The following UBE2L6 variants were observed in gnomAD, a reference collection of about 807,000 sequenced individuals.
UBE2L6 encodes ubiquitin conjugating enzyme E2 L6, also known as ubiquitin/ISG15-conjugating enzyme E2 L6.
A neutral mutation model predicts 13.6 loss-of-function variants in UBE2L6; 11 were observed. The observed-to-expected ratio is 0.81, with a 90% CI of 0.51 to 1.34. UBE2L6 has a LOEUF of 1.34. UBE2L6 is among the 40% of genes most tolerant of loss of function. The pLI is 0.00. For synonymous variants in UBE2L6, 74 were observed against 83.2 expected (o/e 0.89, Z 0.60); for missense variants, 197 against 199.5 (o/e 0.99, Z 0.07).
chr11:57,556,771 C>T (rs1376619916), intron 2 of UBE2L6, among the ~76,000 whole-genome samples: 2 of 152,086 alleles, frequency 1.3e-5, no homozygotes, highest in South Asian at 4.1e-4. Flanking sequence ...GTTTTGTCTC[C>T]TCAAATCTCA....
chr11:57,558,123 GGC>G (rs1176714310), intron 2 of UBE2L6, among the ~76,000 whole-genome samples: 1 of 152,164 alleles, frequency 6.6e-6, no homozygotes, highest in East Asian at 1.9e-4. Context: ...TTGTCATCCA[GGC>G]TGGAGTGCGA....
At chr11:57,558,737 C>A (rs775725356) in intron 2 of UBE2L6, among the ~76,000 whole-genome samples, 3 of 152,228 alleles carry the variant, frequency 2.0e-5, no homozygotes, top group Non-Finnish European at 2.9e-5. Context: ...TAAACTGAGA[C>A]TGAGCCTTTG....
At chr11:57,563,467 G>A (rs1945062271) in intron 1 of UBE2L6, among the ~76,000 whole-genome samples, 1 of 134,836 alleles carries the variant, frequency 7.4e-6, no homozygotes, top group East Asian at 2.3e-4. Context: ...GGCAACAAGA[G>A]TGGAACTCTG....
intron 1 of UBE2L6, among the ~76,000 whole-genome samples, chr11:57,562,323 G>A (rs1020401832): frequency 1.3e-5 from 2 of 152,234 alleles, no homozygotes; most frequent in Non-Finnish European, 2.9e-5. Flanking sequence ...GAGCACTAGA[G>A]AGATTTCTAA....
rs1944964864 is a variant in UBE2L6 at position 57,552,323 on chromosome 11, C to T, written c.*35G>A. ...CCATGAGGTGTGTCCGTCCGCTATGCCGAGGATCCAGTGCACAGAGGGTCA... is the reference window on the plus strand; with the variant it reads ...CCATGAGGTGTGTCCGTCCGCTATGTCGAGGATCCAGTGCACAGAGGGTCA... On this transcript the variant is annotated 3_prime_UTR_variant, in exon 4 of 4. Transcript: ENST00000287156. The T allele has an allele frequency of 6.2e-7, 1 of 1,611,876 alleles. No individual in the cohort carries two copies. The highest frequency in any genetic ancestry group is 8.5e-7 in the Non-Finnish European group (1 of 1,178,508).
At chr11:57,564,740 T>C (rs1354263271) in intron 1 of UBE2L6, among the ~76,000 whole-genome samples, 2 of 148,126 alleles carry the variant, frequency 1.4e-5, no homozygotes, top group African/African-American at 5.0e-5. Flanking sequence ...GAGGCGGAGG[T>C]TGCAGTGAGC....
chr11:57,567,380 TCCAAACCC>T, intron 1 of UBE2L6, 197 bp downstream of exon 1: 1 of 741,200 alleles, frequency 1.3e-6, no homozygotes, highest in Non-Finnish European at 2.2e-6. Context: ...AGCAGAGGCC[TCCAAACCC>T]CCAAAACCCC....
Position 57,552,126 on chromosome 11 carries a change from A to G in UBE2L6, c.*232T>C. ...ACTCCCTTGGCTCTGGGGAATGTAA[A>G]GGGTGTGGGAAGGGTGCACCTGTGG... On this transcript the variant is annotated 3_prime_UTR_variant, in exon 4 of 4. Coordinates refer to ENST00000287156, the MANE Select transcript of UBE2L6 (RefSeq NM_004223.5). 1.8e-6 allele frequency: 1 copy of G among 549,496 alleles called. No individual in the cohort carries two copies. The highest frequency in any genetic ancestry group is 3.2e-6 in the Non-Finnish European group (1 of 314,670). 34.0% of individuals were successfully genotyped at this position (549,496 alleles called of 1,614,324 possible). A position where few individuals can be genotyped will look rare whatever the true frequency, so the allele number is the denominator to read the frequency against.
At chr11:57,564,285 G>A (rs1331138253) in intron 1 of UBE2L6, among the ~76,000 whole-genome samples, 1 of 152,184 alleles carries the variant, frequency 6.6e-6, no homozygotes, top group Non-Finnish European at 1.5e-5. Flanking sequence ...TACAGGCCAA[G>A]AGAGAGTGGC....
In UBE2L6 at chr11:57,567,637, T is replaced by A. The variant is rs761766385; in HGVS notation, c.-26A>T. On this transcript the variant is annotated 5_prime_UTR_variant, in exon 1 of 4. Transcript: ENST00000287156. ...GTCGGGACCGAGTGTGTGGCACCCGTGGCCTCCAGCAGGACCGAGCTCCGA... is the reference window on the plus strand; with the variant it reads ...GTCGGGACCGAGTGTGTGGCACCCGAGGCCTCCAGCAGGACCGAGCTCCGA... 5.0e-6 allele frequency: 8 copies of A among 1,603,720 alleles called. No homozygotes were observed. The South Asian group carries it at 7.9e-5, about 16-fold the overall frequency.
chr11:57,561,284 C>A (rs1234931239), intron 1 of UBE2L6, among the ~76,000 whole-genome samples: 3 of 152,102 alleles, frequency 2.0e-5, no homozygotes, highest in Non-Finnish European at 2.9e-5. Flanking sequence ...AGTGGGGAAA[C>A]AAGGGGGCAA....
At chr11:57,563,285 T>G (rs1945060878) in intron 1 of UBE2L6, among the ~76,000 whole-genome samples, 1 of 149,446 alleles carries the variant, frequency 6.7e-6, no homozygotes, top group Non-Finnish European at 1.5e-5. Context: ...AGGTTAGGAG[T>G]GCAAGACCAG....
chr11:57,556,536 G>A (rs1238344978), intron 2 of UBE2L6, among the ~76,000 whole-genome samples: 1 of 142,142 alleles, frequency 7.0e-6, no homozygotes, highest in East Asian at 2.0e-4. Flanking sequence ...ACGTTGTGGT[G>A]AGCAGAGATC....
intron 2 of UBE2L6, among the ~76,000 whole-genome samples, chr11:57,558,079 T>C (rs1266227106): frequency 6.6e-6 from 1 of 152,174 alleles, no homozygotes; most frequent in Non-Finnish European, 1.5e-5. Flanking sequence ...TGCTACTTTA[T>C]TTTGTTTTGT....
chr11:57,552,561 T>C (rs1456634313), intron 3 of UBE2L6, 52 bp from the exon 4 acceptor site: 4 of 1,606,312 alleles, frequency 2.5e-6, no homozygotes, highest in South Asian at 1.1e-5. Context: ...AAGGGAGTCA[T>C]GGCTGCCCGT....
At chr11:57,554,198 C>G (rs1944980034) in intron 3 of UBE2L6, among the ~76,000 whole-genome samples, 2 of 152,186 alleles carry the variant, frequency 1.3e-5, no homozygotes, top group Admixed American at 6.5e-5. Context: ...AGCCAAGCTG[C>G]CTCTCCCATG....
At chr11:57,555,523 A>G (rs1944990571) in intron 2 of UBE2L6, among the ~76,000 whole-genome samples, 2 of 152,238 alleles carry the variant, frequency 1.3e-5, no homozygotes. Context: ...GAGTTTCAGT[A>G]CAGGTAGACA....
intron 1 of UBE2L6, chr11:57,566,962 CTAG>C: frequency 2.9e-6 from 1 of 342,010 alleles, no homozygotes; most frequent in Non-Finnish European, 5.9e-6. Context: ...CCCCCCCCTC[CTAG>C]AACAGGGCCA....
chr11:57,567,515 G>C, intron 1 of UBE2L6, 70 bp downstream of exon 1: 1 of 1,578,202 alleles, frequency 6.3e-7, no homozygotes, highest in Non-Finnish European at 8.6e-7. Flanking sequence ...GCCGCGGAGG[G>C]GATGGAGGGA....
Sources: gnomAD v4.1 joint callset for allele counts (sites outside exome capture counted in the v4.1 genomes callset) on GRCh38, gnomAD v4.1.1 for gene constraint, MANE v1.5 for transcripts, NCBI Gene and HGNC (gene_info 2026-07-23, HGNC 2026-07-21) for gene names.